The following VDAC1 variants were observed in gnomAD, a reference collection of about 807,000 sequenced individuals.
VDAC1 encodes the protein voltage dependent anion channel 1, also known as non-selective voltage-gated ion channel VDAC1.
VDAC1 carries 10 observed loss-of-function variants against 34.7 expected under a neutral mutation model. The ratio of observed to expected loss-of-function variants is 0.29; its 90% CI spans 0.18 to 0.49. The LOEUF (loss-of-function observed/expected upper bound fraction) is 0.49. VDAC1 is among the 20% of genes least tolerant of loss of function. VDAC1 has a pLI of 0.99. For missense variants in VDAC1, 230 were observed against 347.9 expected, an observed-to-expected ratio of 0.66 and a Z score of 2.69; for synonymous variants, 130 against 136.0, an observed-to-expected ratio of 0.96 and a Z score of 0.30.
intron 1 of VDAC1, chr5:134,004,671 G>C (rs1163319481): frequency 6.6e-6 from 1 of 151,962 alleles, no homozygotes; most frequent in Non-Finnish European, 1.5e-5. Flanking sequence ...CGGCGGGCTC[G>C]GAGGCGGCTA....
At chr5:134,095,589 C>G in the VDAC1 span, among the ~76,000 whole-genome samples, 4 of 152,186 alleles carry the variant, frequency 2.6e-5, no homozygotes, top group Non-Finnish European at 5.9e-5. Context: ...TAGACTATCA[C>G]AAGACTGGGG....
chr5:134,009,503 G>A (rs545592770), upstream of VDAC1, among the ~76,000 whole-genome samples: 23 of 150,794 alleles, frequency 1.5e-4, no homozygotes, highest in South Asian at 1.1e-3. Context: ...GTGATCTGCC[G>A]GCCTCCGCCT....
intron 5 of VDAC1, among the ~76,000 whole-genome samples, chr5:133,984,358 G>T (rs1258405379): frequency 1.3e-5 from 2 of 150,358 alleles, no homozygotes; most frequent in Non-Finnish European, 3.0e-5. Context: ...ACCTCGCCTG[G>T]CCAGGTATTT....
the VDAC1 span, among the ~76,000 whole-genome samples, chr5:134,019,248 C>T: frequency 3.3e-5 from 5 of 151,988 alleles, no homozygotes; most frequent in African/African-American, 4.8e-5. Flanking sequence ...CCTGCATGTA[C>T]ACCTAATTAC....
the VDAC1 span, among the ~76,000 whole-genome samples, chr5:134,020,007 G>A: frequency 5.3e-5 from 8 of 152,012 alleles, no homozygotes; most frequent in Non-Finnish European, 1.0e-4. Flanking sequence ...AAGCGTCCCT[G>A]CCTTTGTCCT....
chr5:134,019,482 A>C, the VDAC1 span, among the ~76,000 whole-genome samples: 1 of 152,298 alleles, frequency 6.6e-6, no homozygotes, highest in South Asian at 2.1e-4. Flanking sequence ...GAGGAGGCTG[A>C]AGTAGGTGGA....
At chr5:133,977,776 G>A (rs116186831) in intron 6 of VDAC1, among the ~76,000 whole-genome samples, 2,333 of 152,268 alleles carry the variant, frequency 0.015, 54 homozygotes, top group African/African-American at 0.054. Context: ...CTGCCACTGC[G>A]GAGCTGGGAT....
At chr5:134,018,305 C>G in the VDAC1 span, among the ~76,000 whole-genome samples, 3 of 152,196 alleles carry the variant, frequency 2.0e-5, no homozygotes, top group Non-Finnish European at 4.4e-5. Context: ...CTAGCATGAA[C>G]TAACAGAGCA....
At chr5:134,107,381 C>T in the VDAC1 span, among the ~76,000 whole-genome samples, 13 of 152,228 alleles carry the variant, frequency 8.5e-5, no homozygotes, top group Non-Finnish European at 1.2e-4. Flanking sequence ...GACTGCTAGA[C>T]GTGCTTCCTC....
chr5:134,106,688 G>A, the VDAC1 span, among the ~76,000 whole-genome samples: 2 of 152,040 alleles, frequency 1.3e-5, no homozygotes, highest in African/African-American at 4.8e-5. Context: ...TTACAGGCGT[G>A]AGCCACCGCG....
the VDAC1 span, among the ~76,000 whole-genome samples, chr5:134,104,013 C>T: frequency 6.6e-6 from 1 of 152,194 alleles, no homozygotes; most frequent in Non-Finnish European, 1.5e-5. Flanking sequence ...GCCCCAGGGG[C>T]AGATTGGAGG....
At chr5:134,013,690 C>T in the VDAC1 span, among the ~76,000 whole-genome samples, 1 of 152,186 alleles carries the variant, frequency 6.6e-6, no homozygotes, top group Non-Finnish European at 1.5e-5. Flanking sequence ...CACCTGTAAT[C>T]CCAGCACTTT....
chr5:134,021,455 G>A, the VDAC1 span, among the ~76,000 whole-genome samples: 2 of 150,404 alleles, frequency 1.3e-5, no homozygotes, highest in African/African-American at 2.5e-5. Flanking sequence ...TTCTGTCCTC[G>A]TGATAGTTTG....
At chr5:133,984,398 G>T in intron 5 of VDAC1, among the ~76,000 whole-genome samples, 1 of 142,314 alleles carries the variant, frequency 7.0e-6, no homozygotes, top group Non-Finnish European at 1.5e-5. Context: ...CAAGACTATA[G>T]GCGCTCACCA....
At chr5:134,095,451 C>G in the VDAC1 span, among the ~76,000 whole-genome samples, 4 of 151,642 alleles carry the variant, frequency 2.6e-5, no homozygotes, top group Non-Finnish European at 4.4e-5. Context: ...TCACTGCACC[C>G]CAGCCTAGGC....
chr5:133,995,037 T>C (rs993230539), intron 1 of VDAC1, among the ~76,000 whole-genome samples: 5 of 152,246 alleles, frequency 3.3e-5, no homozygotes, highest in African/African-American at 1.2e-4. Context: ...ATCCATTAAA[T>C]GTTCCCCAAA....
At chr5:134,036,653 CT>C in the VDAC1 span, among the ~76,000 whole-genome samples, 73,261 of 136,718 alleles carry the variant, frequency 0.54, 19,201 homozygotes, top group Non-Finnish European at 0.61. Context: ...AAGACACTGT[CT>C]TTTTTAAAAA....
At chr5:134,071,503 A>G in the VDAC1 span, among the ~76,000 whole-genome samples, 1 of 152,168 alleles carries the variant, frequency 6.6e-6, no homozygotes, top group African/African-American at 2.4e-5. The surrounding 1 kb of genome is among the most constrained non-coding windows in gnomAD (Gnocchi z 4.1). Flanking sequence ...CCTCAGCCTC[A>G]GGGCTCTCAG....
the VDAC1 span, among the ~76,000 whole-genome samples, chr5:134,036,582 G>A: frequency 6.6e-6 from 1 of 151,622 alleles, no homozygotes; most frequent in Non-Finnish European, 1.5e-5. Context: ...CTTGAGCCCA[G>A]GAGTATAAGG....
Sources: gnomAD v4.1 joint callset for allele counts (sites outside exome capture counted in the v4.1 genomes callset) on GRCh38, gnomAD v4.1.1 for gene constraint, Gnocchi (gnomAD v3.1) non-coding constraint, MANE v1.5 for transcripts, NCBI Gene and HGNC (gene_info 2026-07-23, HGNC 2026-07-21) for gene names.